The following NCKAP1 variants were observed in gnomAD, a reference collection of about 807,000 sequenced individuals.
The protein encoded by NCKAP1 is nck-associated protein 1.
In NCKAP1, 21 loss-of-function variants were observed where a neutral mutation model predicts 151.2. That is an observed-to-expected ratio of 0.14 (90% CI 0.10 to 0.20). The LOEUF (loss-of-function observed/expected upper bound fraction) is 0.20, where lower values mean the gene tolerates loss of function less well. Among genes scored for constraint, NCKAP1 ranks in the 10% least tolerant of loss-of-function variants. The pLI is 1.00. For synonymous variants in NCKAP1, 484 were observed against 451.8 expected (o/e 1.07, Z -0.90); for missense variants, 933 against 1,352.1 (o/e 0.69, Z 4.86).
chr2:182,972,062 T>C (rs949708680), intron 15 of NCKAP1, among the ~76,000 whole-genome samples: 3 of 151,534 alleles, frequency 2.0e-5, no homozygotes, highest in African/African-American at 7.3e-5. Flanking sequence ...AAAAAATGGA[T>C]AAATAGGATC....
chr2:183,023,697 TCA>T, intron 2 of NCKAP1, 107 bp downstream of exon 2: 1 of 843,870 alleles, frequency 1.2e-6, no homozygotes, highest in South Asian at 1.8e-5. Context: ...AATCTGTATA[TCA>T]AAATGTTAAA....
Position 182,910,890 on chromosome 2 carries a change from C to T in NCKAP1, c.*14812G>A, listed in dbSNP as rs1696375829. 1 of 151,170 alleles carries T rather than the reference C, an allele frequency of 6.6e-6. No individual in the cohort carries two copies. The highest frequency in any genetic ancestry group is 6.6e-5 in the Admixed American group (1 of 15,112). 9.4% of individuals were successfully genotyped at this position (151,170 alleles called of 1,614,324 possible). A position where few individuals can be genotyped will look rare whatever the true frequency, so the allele number is the denominator to read the frequency against. On this transcript the variant is annotated 3_prime_UTR_variant, in exon 31 of 31. Transcript: ENST00000361354. Reference sequence around the variant, plus strand: ...AGTATTTACAGATTAAAGACTCAACCTGTATTCATGCTCTGATGGTCCAAC... The same window carrying T: ...AGTATTTACAGATTAAAGACTCAACTTGTATTCATGCTCTGATGGTCCAAC...
chr2:182,967,296 C>T lies in NCKAP1; in HGVS notation c.1548G>A (p.Met516Ile). 1 of 1,611,584 alleles carries T rather than the reference C, an allele frequency of 6.2e-7. No homozygotes were observed. Among genetic ancestry groups the T allele is most frequent in the Non-Finnish European group, 8.5e-7 (1 of 1,178,496 alleles). The change falls in exon 16 of 31, where the codon ATG (methionine) becomes ATA (isoleucine). Residue 516 changes from methionine (M) to isoleucine (I), a missense_variant. Met to Ile is a conservative substitution (Grantham distance 10). Around this residue, in one of 2 missense-constraint regions of NCKAP1, gnomAD observed 607 missense variants for 795.0 expected, o/e 0.76. Coordinates refer to ENST00000361354, the MANE Select transcript of NCKAP1 (RefSeq NM_013436.5). ...LADHRELGKMMNTIIFHTKMV... is the reference protein window; with the variant it reads ...LADHRELGKMINTIIFHTKMV... ...TTTTTGTATGAAAAATTATTGTATT[C>T]ATCATCTTTCCAAGTTCTCTGTGAT...
intron 23 of NCKAP1, among the ~76,000 whole-genome samples, chr2:182,945,335 C>G (rs1384853421): frequency 1.3e-5 from 2 of 151,870 alleles, no homozygotes; most frequent in African/African-American, 4.8e-5. Flanking sequence ...GAGTTGGAGG[C>G]TGCAGTGAGC....
intron 1 of NCKAP1, 77 bp downstream of exon 1, chr2:183,037,915 C>G (rs975628292): frequency 2.6e-6 from 3 of 1,160,288 alleles, no homozygotes; most frequent in South Asian, 1.6e-5. Flanking sequence ...CTGCCGCCCC[C>G]ACCCCACGGC....
At chr2:182,996,260 A>G (rs751768393) in intron 6 of NCKAP1, among the ~76,000 whole-genome samples, 1 of 152,232 alleles carries the variant, frequency 6.6e-6, no homozygotes, top group Admixed American at 6.5e-5. Context: ...AACATGCTTT[A>G]TATTTCTCTA....
rs951650963 is a variant in NCKAP1 at position 182,911,018 on chromosome 2, G to A, written c.*14684C>T. 1 of 134,912 alleles carries A rather than the reference G, an allele frequency of 7.4e-6. No individual in the cohort carries two copies. The highest frequency in any genetic ancestry group is 1.6e-5 in the Non-Finnish European group (1 of 64,436). The allele number at this position is 134,912 out of a possible 1,614,324, so 8.4% of individuals were successfully genotyped here. On this transcript the variant is annotated 3_prime_UTR_variant, in exon 31 of 31. Coordinates refer to ENST00000361354, the MANE Select transcript of NCKAP1 (RefSeq NM_013436.5). ...GGACTTCAGGGAAACCTTAAAAACTGAGTTCCCGGCCATGATGGGATGGGA... is the reference window on the plus strand; with the variant it reads ...GGACTTCAGGGAAACCTTAAAAACTAAGTTCCCGGCCATGATGGGATGGGA...
At chr2:182,969,742 C>T (rs114561308) in intron 15 of NCKAP1, among the ~76,000 whole-genome samples, 246 of 151,892 alleles carry the variant, frequency 1.6e-3, no homozygotes, top group African/African-American at 5.4e-3. Context: ...ACTAGAAAAG[C>T]AAGAATAAAC....
intron 1 of NCKAP1, among the ~76,000 whole-genome samples, chr2:183,034,448 G>A (rs1287537148): frequency 4.6e-5 from 7 of 150,724 alleles, no homozygotes; most frequent in African/African-American, 1.2e-4. Context: ...AGGAAAAGAC[G>A]CAAGTATTAA....
chr2:182,997,641 T>C (rs1179566966), intron 6 of NCKAP1, among the ~76,000 whole-genome samples: 1 of 152,142 alleles, frequency 6.6e-6, no homozygotes, highest in Non-Finnish European at 1.5e-5. Context: ...ATTTGCTTTA[T>C]GAAACCAGGA....
At position 182,914,580 on chromosome 2, in the gene NCKAP1, C is replaced by T. The variant is rs936517296; in HGVS notation, c.*11122G>A. ...CCCACTATAACCATCTTTGAGGACA[C>T]TCTGCATTTTAGAAGTGCCACAATA... is the stretch of plus-strand genomic sequence containing the variant. On this transcript the variant is annotated 3_prime_UTR_variant, in exon 31 of 31. Transcript: ENST00000361354. The T allele has an allele frequency of 3.3e-5, 5 of 152,192 alleles. No individual in the cohort carries two copies. The highest frequency in any genetic ancestry group is 1.2e-4 in the African/African-American group (5 of 41,452). 9.4% of individuals were successfully genotyped at this position (152,192 alleles called of 1,614,324 possible).
intron 20 of NCKAP1, among the ~76,000 whole-genome samples, chr2:182,956,231 G>C (rs993177468): frequency 2.0e-5 from 3 of 151,960 alleles, no homozygotes; most frequent in Admixed American, 2.0e-4. Context: ...TAGTAGAGAC[G>C]GGGTTTCACT....
intron 25 of NCKAP1, 48 bp downstream of exon 25, chr2:182,935,245 A>G (rs1227302702): frequency 8.1e-7 from 1 of 1,239,420 alleles, no homozygotes; most frequent in African/African-American, 1.6e-5. Context: ...CTGAGAAATT[A>G]AAAGGGATTG....
chr2:182,998,277 T>G (rs1349414019), intron 6 of NCKAP1, among the ~76,000 whole-genome samples: 4 of 152,052 alleles, frequency 2.6e-5, no homozygotes, highest in Non-Finnish European at 5.9e-5. Context: ...CAAGGGTGTC[T>G]GTACTCCTAC....
At chr2:182,948,301 G>A (rs1575023532) in intron 23 of NCKAP1, among the ~76,000 whole-genome samples, 1 of 151,838 alleles carries the variant, frequency 6.6e-6, no homozygotes, top group Non-Finnish European at 1.5e-5. Flanking sequence ...GAATCACATA[G>A]GAGATTACTA....
At chr2:182,933,708 C>T (rs1219231488) in intron 26 of NCKAP1, among the ~76,000 whole-genome samples, 5 of 151,868 alleles carry the variant, frequency 3.3e-5, no homozygotes, top group African/African-American at 1.2e-4. Context: ...AGCCACCATG[C>T]CCAGCCTGAG....
At chr2:182,975,631 G>A (rs1697805022) in intron 15 of NCKAP1, among the ~76,000 whole-genome samples, 1 of 152,078 alleles carries the variant, frequency 6.6e-6, no homozygotes, top group South Asian at 2.1e-4. Context: ...AACAGGCCAG[G>A]CACTGTGGCT....
chr2:182,936,404 T>C (rs1277430288), intron 24 of NCKAP1, among the ~76,000 whole-genome samples: 3 of 152,174 alleles, frequency 2.0e-5, no homozygotes, highest in South Asian at 2.1e-4. Flanking sequence ...ATAAACAGAA[T>C]AATGACCTAG....
rs1049364943 is a variant in NCKAP1, at chr2:182,909,458, T to C, written c.*16244A>G. ...GAGGAATTATACAATATCTGTTCTTTTGTGGCTGGCTTATTTCACTCAGCA... is the reference window on the plus strand; with the variant it reads ...GAGGAATTATACAATATCTGTTCTTCTGTGGCTGGCTTATTTCACTCAGCA... On this transcript the variant is annotated 3_prime_UTR_variant, in exon 31 of 31. Transcript: ENST00000361354. 6.6e-6 allele frequency: 1 copy of C among 152,234 alleles called. No homozygotes were observed. The highest frequency in any genetic ancestry group is 6.5e-5 in the Admixed American group (1 of 15,282). The allele number at this position is 152,234 out of a possible 1,614,324, so 9.4% of individuals were successfully genotyped here. A position where few individuals can be genotyped will look rare whatever the true frequency, so the allele number is the denominator to read the frequency against.
Sources: allele counts gnomAD v4.1 joint callset (sites outside exome capture counted in the v4.1 genomes callset), GRCh38; gene constraint gnomAD v4.1.1; regional missense constraint gnomAD v4.1.1; transcripts MANE v1.5; gene names NCBI Gene and HGNC (gene_info 2026-07-23, HGNC 2026-07-21).